CHRNB2: variants seen among roughly 807,000 people sequenced by gnomAD.
CHRNB2 encodes the protein neuronal acetylcholine receptor subunit beta-2.
In CHRNB2, 33 loss-of-function variants were observed where a neutral mutation model predicts 42.7. The ratio of observed to expected loss-of-function variants is 0.77; its 90% CI spans 0.59 to 1.03. The LOEUF is 1.03. Ranked by LOEUF, CHRNB2 falls within the 50% of genes least tolerant of loss-of-function variation. The pLI is 0.00. For missense variants in CHRNB2, 603 were observed against 700.9 expected (o/e 0.86, Z 1.58); for synonymous variants, 325 against 292.9 (o/e 1.11, Z -1.12).
Position 154,568,154 on chromosome 1 carries a change from C to T in CHRNB2, c.64+46C>T, listed in dbSNP as rs1189480230. On this transcript the variant is annotated intron_variant, in intron 1 of 5. Transcript: ENST00000368476. ...GGCCAGGTTCTCCTACCCCAGCCAA[C>T]GGCCCAAGACTCGCCGCCCTCTGAC... 6 of 1,561,240 alleles carry T rather than the reference C, an allele frequency of 3.8e-6. No individual in the cohort carries two copies. In the South Asian group the frequency reaches 4.7e-5, roughly 12 times the overall value.
chr1:154,568,521 C>G (rs998836163), intron 1 of CHRNB2, among the ~76,000 whole-genome samples: 1 of 152,128 alleles, frequency 6.6e-6, no homozygotes, highest in Admixed American at 6.5e-5. Flanking sequence ...GGCTCCCCAT[C>G]GTTTCCCATC....
At chr1:154,573,384 T>A (rs1340519066) in intron 5 of CHRNB2, among the ~76,000 whole-genome samples, 1 of 152,186 alleles carries the variant, frequency 6.6e-6, no homozygotes, top group Non-Finnish European at 1.5e-5. Flanking sequence ...TTGGTCTACA[T>A]CCTAACCACC....
Position 154,567,952 on chromosome 1 carries a change from G to C in CHRNB2, c.-93G>C. On this transcript the variant is annotated 5_prime_UTR_variant, in exon 1 of 6. Transcript: ENST00000368476. ...CTGGACCCAGCTCCAGGCGGGCGCG[G>C]CTTCAGCACCACGGACAGCGCCCCA... is the stretch of plus-strand genomic sequence containing the variant. 2.4e-6 allele frequency: 3 copies of C among 1,235,374 alleles called. No homozygotes were observed. The highest frequency in any genetic ancestry group is 3.2e-6 in the Non-Finnish European group (3 of 947,312). 76.5% of individuals were successfully genotyped at this position (1,235,374 alleles called of 1,614,324 possible).
chr1:154,569,781 C>T lies in CHRNB2; in HGVS notation c.211-11C>T, dbSNP rs773761741. 1 of 1,614,182 alleles carries T rather than the reference C, an allele frequency of 6.2e-7. No individual in the cohort carries two copies. The highest frequency in any genetic ancestry group is 8.5e-7 in the Non-Finnish European group (1 of 1,180,018). On this transcript the variant is annotated splice_polypyrimidine_tract_variant and intron_variant, in intron 2 of 5. Coordinates refer to ENST00000368476, the MANE Select transcript of CHRNB2 (RefSeq NM_000748.3). ...AGGGGCCTTCTCGGCAGCCTCTCTTCCTCCCTGCAGCATGAGCGGGAGCAG... is the reference window on the plus strand; with the variant it reads ...AGGGGCCTTCTCGGCAGCCTCTCTTTCTCCCTGCAGCATGAGCGGGAGCAG...
rs1696092429 is a variant in CHRNB2, at chr1:154,568,021, G to A, written c.-24G>A. 4 of 1,557,804 alleles carry A rather than the reference G, an allele frequency of 2.6e-6. No individual in the cohort carries two copies. Among genetic ancestry groups the A allele is most frequent in the Non-Finnish European group, 2.6e-6 (3 of 1,156,220 alleles). ...GCGGCGCGCTCCAGCCGGTGTAGGCGAGGCAGCGAGCTATGCCCGCGGCAT... is the reference window on the plus strand; with the variant it reads ...GCGGCGCGCTCCAGCCGGTGTAGGCAAGGCAGCGAGCTATGCCCGCGGCAT... On this transcript the variant is annotated 5_prime_UTR_variant, in exon 1 of 6. Transcript: ENST00000368476.
chr1:154,571,467 ACCC>A lies in CHRNB2; in HGVS notation c.646_648del (p.Pro216del). The A allele has an allele frequency of 6.2e-7, 1 of 1,613,808 alleles. No homozygotes were observed. Among genetic ancestry groups the A allele is most frequent in the East Asian group, 2.2e-5 (1 of 44,866 alleles). ...GCGCTGCCGGGCCGGCGCAACGAGA[ACCC>A]CGACGACTCTACGTACGTGGACATC... is the stretch of plus-strand genomic sequence containing the variant. On this transcript the variant is annotated inframe_deletion, in exon 5 of 6. Coordinates refer to ENST00000368476, the MANE Select transcript of CHRNB2 (RefSeq NM_000748.3). The surrounding 1 kb of genome is among the most constrained non-coding windows in gnomAD (Gnocchi z 6.8).
chr1:154,577,858 T>TGCCTCC lies in CHRNB2; in HGVS notation c.*1927_*1932dup, dbSNP rs1437332662. 1 of 152,342 alleles carries TGCCTCC rather than the reference T, an allele frequency of 6.6e-6. No individual in the cohort carries two copies. Among genetic ancestry groups the TGCCTCC allele is most frequent in the Non-Finnish European group, 1.5e-5 (1 of 68,150 alleles). 9.4% of individuals were successfully genotyped at this position (152,342 alleles called of 1,614,324 possible). ...CTGGGCTGAACCCTTGCCCTGGCCC[T>TGCCTCC]GCCTCCCTTCTGGGTCAGCACCTCC... On this transcript the variant is annotated 3_prime_UTR_variant, in exon 6 of 6. Transcript: ENST00000368476.
At chr1:154,569,178 G>A (rs1363736264) in intron 1 of CHRNB2, among the ~76,000 whole-genome samples, 1 of 152,026 alleles carries the variant, frequency 6.6e-6, no homozygotes, top group African/African-American at 2.4e-5. Context: ...CTGAGACTTT[G>A]GGGGAAGAGC....
chr1:154,569,769 G>A (rs1268538387), intron 2 of CHRNB2, 23 bp from the exon 3 acceptor site: 2 of 1,614,092 alleles, frequency 1.2e-6, no homozygotes, highest in Non-Finnish European at 1.7e-6. Flanking sequence ...GGCCTTCTCG[G>A]CAGCCTCTCT....
rs3811450 is a variant in CHRNB2, at chr1:154,578,556, C to T, written c.*2624C>T. The T allele has an allele frequency of 0.071, 10,785 of 152,378 alleles. 430 individuals are homozygous for T. The highest frequency in any genetic ancestry group is 0.18 in the East Asian group (907 of 5,182). 9.4% of individuals were successfully genotyped at this position (152,378 alleles called of 1,614,324 possible). A position where few individuals can be genotyped will look rare whatever the true frequency, so the allele number is the denominator to read the frequency against. The stretch of plus-strand genomic sequence containing the variant: ...CAGTGTCATTCCCTCCATCTCTGTA[C>T]GCAGCCCTTTGGGAACCATCACAAT... On this transcript the variant is annotated 3_prime_UTR_variant, in exon 6 of 6. Coordinates refer to ENST00000368476, the MANE Select transcript of CHRNB2 (RefSeq NM_000748.3).
At chr1:154,569,628 C>G (rs377401273) in intron 2 of CHRNB2, 21 bp downstream of exon 2, 10 of 1,614,046 alleles carry the variant, frequency 6.2e-6, no homozygotes, top group Admixed American at 1.7e-5. Context: ...GTCCCAGGCT[C>G]TCTGCCCAGC....
At position 154,571,237 on chromosome 1, in the gene CHRNB2, C is replaced by T. The variant is rs1696159008; in HGVS notation, c.414C>T (p.Ser138=). The change falls in exon 5 of 6, where the codon TCC becomes TCT. Residue 138 remains serine (S), a synonymous_variant. Transcript: ENST00000368476. The surrounding 1 kb of genome is among the most constrained non-coding windows in gnomAD (Gnocchi z 6.8). The part of the protein sequence containing the change: ...EVSFYSNAVV[S]YDGSIFWLPP... ...CCTTCTATTCCAATGCCGTGGTCTCCTATGATGGCAGCATCTTCTGGCTGC... is the reference window on the plus strand; with the variant it reads ...CCTTCTATTCCAATGCCGTGGTCTCTTATGATGGCAGCATCTTCTGGCTGC... The T allele has an allele frequency of 6.2e-7, 1 of 1,614,210 alleles. No individual in the cohort carries two copies. The highest frequency in any genetic ancestry group is 1.3e-5 in the African/African-American group (1 of 75,052).
rs1696316392 is a variant in CHRNB2 at position 154,578,097 on chromosome 1, T to C, written c.*2165T>C. Reference sequence around the variant, plus strand: ...TAGAGCGGATTGGGAGTTGCCTGTATTATGCCTGAACCCTCCTTGAACTCA... The same window carrying C: ...TAGAGCGGATTGGGAGTTGCCTGTACTATGCCTGAACCCTCCTTGAACTCA... On this transcript the variant is annotated 3_prime_UTR_variant, in exon 6 of 6. Coordinates refer to ENST00000368476, the MANE Select transcript of CHRNB2 (RefSeq NM_000748.3). The C allele has an allele frequency of 6.6e-6, 1 of 152,232 alleles. No individual in the cohort carries two copies. The highest frequency in any genetic ancestry group is 1.9e-4 in the East Asian group (1 of 5,194). 9.4% of individuals were successfully genotyped at this position (152,232 alleles called of 1,614,324 possible).
intron 5 of CHRNB2, among the ~76,000 whole-genome samples, chr1:154,574,980 C>G (rs1202379152): frequency 6.6e-6 from 1 of 152,226 alleles, no homozygotes; most frequent in Non-Finnish European, 1.5e-5. Context: ...AGCCTTGTGA[C>G]TGGCTCTCAA....
rs940695797 is a variant in CHRNB2, at chr1:154,579,166, C to T, written c.*3234C>T. The T allele has an allele frequency of 1.3e-5, 2 of 152,178 alleles. No individual in the cohort carries two copies. Among genetic ancestry groups the T allele is most frequent in the Admixed American group, 1.3e-4 (2 of 15,276 alleles). 9.4% of individuals were successfully genotyped at this position (152,178 alleles called of 1,614,324 possible). On this transcript the variant is annotated 3_prime_UTR_variant, in exon 6 of 6. Coordinates refer to ENST00000368476, the MANE Select transcript of CHRNB2 (RefSeq NM_000748.3). ...CAGAGGAAGGGCAAGACCGTTTCCCCCAATGGTCTTGAAACGGAAGAGGAA... is the reference window on the plus strand; with the variant it reads ...CAGAGGAAGGGCAAGACCGTTTCCCTCAATGGTCTTGAAACGGAAGAGGAA...
rs945492622 is a variant in CHRNB2 at position 154,572,138 on chromosome 1, C to T, written c.1315C>T (p.Arg439Trp). The T allele has an allele frequency of 6.5e-6, 10 of 1,537,610 alleles. No individual in the cohort carries two copies. The Admixed American group carries it at 1.4e-4, about 21-fold the overall frequency. The change falls in exon 5 of 6, where the codon CGG becomes TGG. Residue 439 changes from arginine to tryptophan, a missense_variant. Physicochemically the swap from Arg to Trp is moderately radical, Grantham distance 101. This residue lies in a region of CHRNB2 where 270 missense variants were observed against 248.3 expected (regional missense o/e 1.09). Transcript: ENST00000368476. Reference protein sequence around the residue: ...DGVRFIADHMRSEDDDQSVSE... With the variant: ...DGVRFIADHMWSEDDDQSVSE... ...CGTGCGCTTCATCGCAGACCACATG[C>T]GGAGCGAGGACGATGACCAGAGCGT... is the stretch of plus-strand genomic sequence containing the variant.
rs201032420 is a variant in CHRNB2 at position 154,579,511 on chromosome 1, T to A, written c.*3579T>A. The A allele has an allele frequency of 6.6e-6, 1 of 152,106 alleles. No individual in the cohort carries two copies. Among genetic ancestry groups the A allele is most frequent in the Non-Finnish European group, 1.5e-5 (1 of 68,090 alleles). The allele number at this position is 152,106 out of a possible 1,614,324, so 9.4% of individuals were successfully genotyped here. A position where few individuals can be genotyped will look rare whatever the true frequency, so the allele number is the denominator to read the frequency against. On this transcript the variant is annotated 3_prime_UTR_variant, in exon 6 of 6. Coordinates refer to ENST00000368476, the MANE Select transcript of CHRNB2 (RefSeq NM_000748.3). ...CTCTGAATCACTCCCCAAGCCAGAG[T>A]AGACCTGGTTCCAGTTGTCCCCCCC...
intron 4 of CHRNB2, 119 bp downstream of exon 4, chr1:154,570,486 T>C (rs1386496704): frequency 2.8e-6 from 2 of 708,136 alleles, no homozygotes; most frequent in Non-Finnish European, 5.1e-6. Flanking sequence ...AATAGATATG[T>C]AGTCACTACC....
Position 154,579,032 on chromosome 1 carries a change from G to C in CHRNB2, c.*3100G>C, listed in dbSNP as rs1458115691. The C allele has an allele frequency of 6.6e-6, 1 of 152,268 alleles. No homozygotes were observed. The highest frequency in any genetic ancestry group is 2.4e-5 in the African/African-American group (1 of 41,450). The allele number at this position is 152,268 out of a possible 1,614,324, so 9.4% of individuals were successfully genotyped here. ...TGCAGTGGGAGGAAGGCAGCTTCCT[G>C]GCGGGGAGATAGAAATACTAGAACA... On this transcript the variant is annotated 3_prime_UTR_variant, in exon 6 of 6. Transcript: ENST00000368476.
Sources: gnomAD v4.1 joint callset for allele counts (sites outside exome capture counted in the v4.1 genomes callset) on GRCh38, gnomAD v4.1.1 for gene constraint, gnomAD v4.1.1 regional missense constraint, Gnocchi (gnomAD v3.1) non-coding constraint, MANE v1.5 for transcripts, NCBI Gene and HGNC (gene_info 2026-07-23, HGNC 2026-07-21) for gene names.